LRRIQ1: variants seen among roughly 807,000 people sequenced by gnomAD.
The protein encoded by LRRIQ1 is leucine-rich repeat- and IQ domain-containing protein 1.
In LRRIQ1, 210 loss-of-function variants were observed where a neutral mutation model predicts 211.9. That is an observed-to-expected ratio of 0.99 (90% CI 0.89 to 1.11). The LOEUF is 1.11. Ranked by LOEUF, LRRIQ1 falls within the 50% of genes most tolerant of loss-of-function variation. LRRIQ1 has a pLI of 0.00. For synonymous variants in LRRIQ1, 699 were observed against 650.1 expected, an observed-to-expected ratio of 1.08 and a Z score of -1.14; for missense variants, 2,136 against 1,939.5, an observed-to-expected ratio of 1.10 and a Z score of -1.90.
intron 24 of LRRIQ1, among the ~76,000 whole-genome samples, chr12:85,217,516 G>A (rs1336031442): frequency 0.033 from 2,022 of 60,950 alleles, 59 homozygotes; most frequent in African/African-American, 0.16. Context: ...ATATGTGTGT[G>A]TGTGTGTGTG....
intron 1 of LRRIQ1, among the ~76,000 whole-genome samples, chr12:85,250,646 A>G (rs1565928571): frequency 6.7e-6 from 1 of 149,116 alleles, no homozygotes; most frequent in Non-Finnish European, 1.5e-5. Flanking sequence ...AAGCTGAGGT[A>G]GGAGGATCTA....
intron 15 of LRRIQ1, among the ~76,000 whole-genome samples, chr12:85,109,347 G>C (rs1353953185): frequency 6.6e-6 from 1 of 152,122 alleles, no homozygotes; most frequent in Admixed American, 6.6e-5. Context: ...GTAATTTACT[G>C]CATATTGGTA....
intron 10 of LRRIQ1, among the ~76,000 whole-genome samples, chr12:85,071,997 A>T (rs1883133955): frequency 6.6e-6 from 1 of 151,990 alleles, no homozygotes; most frequent in African/African-American, 2.4e-5. Flanking sequence ...TGGTAATACT[A>T]GTTTCTTGGC....
chr12:85,171,765 G>A (rs1237176150), intron 24 of LRRIQ1, among the ~76,000 whole-genome samples: 1 of 152,178 alleles, frequency 6.6e-6, no homozygotes, highest in African/African-American at 2.4e-5. Flanking sequence ...GACACCAGGA[G>A]TGTGTGGGTA....
rs554024945 is a variant in LRRIQ1, at chr12:85,192,126, G to C, written c.4822+31412G>C. 8.6e-5 allele frequency among the ~76,000 whole-genome samples: 13 copies of C among 151,504 alleles called. No individual in the cohort carries two copies. The East Asian group carries it at 2.1e-3, about 25-fold the overall frequency. On this transcript the variant is annotated intron_variant, in intron 24 of 26. Coordinates refer to ENST00000393217, the MANE Select transcript of LRRIQ1 (RefSeq NM_001079910.2). ...GTGTAAGTATTATAGTATCTGATAAGTATTACAGCTTTTCAGTCCTTATCC... is the reference window on the plus strand; with the variant it reads ...GTGTAAGTATTATAGTATCTGATAACTATTACAGCTTTTCAGTCCTTATCC...
intron 7 of LRRIQ1, 147 bp downstream of exon 7, chr12:85,052,398 G>C (rs1449412909): frequency 6.8e-6 from 3 of 443,882 alleles, no homozygotes; most frequent in African/African-American, 2.1e-5. Flanking sequence ...TTAATCCTCA[G>C]AAACACTCCT....
chr12:85,198,858 G>A (rs1055416492), intron 24 of LRRIQ1, among the ~76,000 whole-genome samples: 12 of 151,928 alleles, frequency 7.9e-5, no homozygotes, highest in East Asian at 1.9e-4. Flanking sequence ...GTGAGACACC[G>A]CACCCGGCCG....
chr12:85,220,634 T>C (rs1894355715), intron 24 of LRRIQ1, among the ~76,000 whole-genome samples: 1 of 150,670 alleles, frequency 6.6e-6, no homozygotes, highest in Non-Finnish European at 1.5e-5. Context: ...TTTATTTATT[T>C]ATTTTTATTT....
intron 11 of LRRIQ1, among the ~76,000 whole-genome samples, chr12:85,092,164 A>G (rs938207374): frequency 6.6e-6 from 1 of 152,162 alleles, no homozygotes; most frequent in Non-Finnish European, 1.5e-5. Context: ...ATCATAACAA[A>G]TCAGTTGCTT....
intron 12 of LRRIQ1, 67 bp downstream of exon 12, chr12:85,098,615 C>T (rs1592792356): frequency 7.5e-7 from 1 of 1,332,800 alleles, no homozygotes; most frequent in East Asian, 2.4e-5. Context: ...AAATACCAAT[C>T]ACATATTAAA....
intron 24 of LRRIQ1, among the ~76,000 whole-genome samples, chr12:85,224,811 C>A (rs1375970035): frequency 6.6e-6 from 1 of 152,018 alleles, no homozygotes; most frequent in Non-Finnish European, 1.5e-5. Context: ...GTGCAGTAAA[C>A]TACCATGGCA....
chr12:85,057,046 T>G lies in LRRIQ1; in HGVS notation c.2253T>G (p.Pro751=). ...TAGCCTGGATAAAATCATTTAAACC[T>G]TGGCTTGAAATTTTCAAGCAAAATC... ...RRLAWIKSFK[P]WLEIFKQNQQ... The change falls in exon 8 of 27, where the codon CCT becomes CCG. Residue 751 remains proline, a synonymous_variant. Coordinates refer to ENST00000393217, the MANE Select transcript of LRRIQ1 (RefSeq NM_001079910.2). The G allele has an allele frequency of 6.2e-7, 1 of 1,608,962 alleles. No individual in the cohort carries two copies. Among genetic ancestry groups the G allele is most frequent in the Non-Finnish European group, 8.5e-7 (1 of 1,178,344 alleles).
intron 19 of LRRIQ1, among the ~76,000 whole-genome samples, chr12:85,141,133 T>C (rs1405917238): frequency 2.6e-5 from 4 of 151,360 alleles, no homozygotes; most frequent in African/African-American, 9.7e-5. Flanking sequence ...GGGAGTTTGA[T>C]ATAAGATTGA....
At chr12:85,114,081 G>C (rs1313838341) in intron 15 of LRRIQ1, among the ~76,000 whole-genome samples, 1 of 151,978 alleles carries the variant, frequency 6.6e-6, no homozygotes, top group Non-Finnish European at 1.5e-5. Context: ...TTTACACTGG[G>C]TTTAAAGTAC....
intron 19 of LRRIQ1, among the ~76,000 whole-genome samples, chr12:85,142,439 A>G (rs532623360): frequency 1.3e-5 from 2 of 151,610 alleles, no homozygotes; most frequent in Non-Finnish European, 3.0e-5. Context: ...GCTAATTAGC[A>G]TATGCATTAG....
intron 23 of LRRIQ1, among the ~76,000 whole-genome samples, chr12:85,158,556 T>TTTAAATG (rs1890686673): frequency 6.6e-6 from 1 of 151,970 alleles, no homozygotes; most frequent in African/African-American, 2.4e-5. Context: ...ATGGATACTC[T>TTTAAATG]AATGCTTAAC....
At chr12:85,046,266 G>T in intron 5 of LRRIQ1, 129 bp downstream of exon 5, 2 of 582,912 alleles carry the variant, frequency 3.4e-6, no homozygotes, top group Non-Finnish European at 6.2e-6. Context: ...GAAGATTATT[G>T]TGCCTTTGCT....
chr12:85,233,555 A>T (rs1895049209), intron 26 of LRRIQ1, among the ~76,000 whole-genome samples: 1 of 152,200 alleles, frequency 6.6e-6, no homozygotes, highest in Admixed American at 6.6e-5. Flanking sequence ...ATATTAAAAG[A>T]TCATGTGATT....
chr12:85,125,523 A>G (rs2136455206), intron 17 of LRRIQ1, among the ~76,000 whole-genome samples: 1 of 152,268 alleles, frequency 6.6e-6, no homozygotes, highest in African/African-American at 2.4e-5. Context: ...TCTTTTATAA[A>G]TTACTGGTGC....
Sources: allele counts gnomAD v4.1 joint callset (sites outside exome capture counted in the v4.1 genomes callset), GRCh38; gene constraint gnomAD v4.1.1; transcripts MANE v1.5; gene names NCBI Gene and HGNC (gene_info 2026-07-23, HGNC 2026-07-21).